DLC1: variants seen among roughly 807,000 people sequenced by gnomAD.
The protein encoded by DLC1 is rho GTPase-activating protein 7.
A neutral mutation model predicts 140.3 loss-of-function variants in DLC1; 54 were observed. The ratio of observed to expected loss-of-function variants is 0.38; its 90% CI spans 0.31 to 0.48. The LOEUF (loss-of-function observed/expected upper bound fraction) is 0.48. Ranked by LOEUF, DLC1 falls within the 20% of genes least tolerant of loss-of-function variation. The probability of loss-of-function intolerance (pLI) is 0.96; values close to 1 mark genes in which losing one functional copy is unlikely to be tolerated. For synonymous variants in DLC1, 986 were observed against 728.1 expected (o/e 1.35, Z -5.70); for missense variants, 2,536 against 1,907.0 (o/e 1.33, Z -6.14).
chr8:13,522,446 G>A (rs1286357086), intron 1 of DLC1, among the ~76,000 whole-genome samples: 1 of 151,978 alleles, frequency 6.6e-6, no homozygotes, highest in East Asian at 1.9e-4. Context: ...CCAACATGGT[G>A]AGACCCTGTG....
At chr8:13,419,200 G>C (rs289596) in intron 2 of DLC1, among the ~76,000 whole-genome samples, 110,335 of 151,618 alleles carry the variant, frequency 0.73, 40,448 homozygotes, top group African/African-American at 0.75. Flanking sequence ...ATTGAATACC[G>C]TTTATTTCCT....
chr8:13,349,725 C>T (rs538382969), intron 4 of DLC1, among the ~76,000 whole-genome samples: 84 of 152,208 alleles, frequency 5.5e-4, no homozygotes, highest in African/African-American at 2.0e-3. Context: ...GGAGGGTAAA[C>T]GAAAGCTGAA....
chr8:13,255,217 C>T (rs1830171132), intron 5 of DLC1, among the ~76,000 whole-genome samples: 1 of 152,084 alleles, frequency 6.6e-6, no homozygotes, highest in Non-Finnish European at 1.5e-5. Context: ...GTGATCTGCC[C>T]ACCTAGGCTT....
intron 2 of DLC1, among the ~76,000 whole-genome samples, chr8:13,488,123 C>T (rs1801053921): frequency 6.6e-6 from 1 of 152,164 alleles, no homozygotes; most frequent in Non-Finnish European, 1.5e-5. Context: ...CTCATGCTTT[C>T]AGTCAATTAT....
intron 1 of DLC1, among the ~76,000 whole-genome samples, chr8:13,566,083 A>G (rs1804416970): frequency 1.3e-5 from 2 of 152,152 alleles, no homozygotes; most frequent in South Asian, 4.1e-4. Context: ...GGCTCATACT[A>G]GTCGGCAACA....
At chr8:13,215,160 C>G (rs1753275704) in intron 5 of DLC1, among the ~76,000 whole-genome samples, 2 of 152,170 alleles carry the variant, frequency 1.3e-5, no homozygotes, top group South Asian at 4.1e-4. Context: ...TCTACATTCT[C>G]TATATCCTTA....
At chr8:13,434,320 C>G (rs1013902337) in intron 2 of DLC1, among the ~76,000 whole-genome samples, 1 of 152,230 alleles carries the variant, frequency 6.6e-6, no homozygotes, top group African/African-American at 2.4e-5. Context: ...AGATAACTCT[C>G]TATAACCCAA....
Position 13,099,864 on chromosome 8 carries a change from C to T in DLC1, c.2473G>A (p.Gly825Ser), listed in dbSNP as rs1487194274. ...TTATTCCCCGAGGGGGAGAAACTGC[C>T]ATTGGTGAGAGCTTTGGGGAAAGTG... is the stretch of plus-strand genomic sequence containing the variant. ...PGTFPKALTN[G>S]SFSPSGNNGS... Residue 825 changes from glycine (G) to serine (S), a missense_variant, in exon 9 of 18, where the codon GGC (glycine) becomes AGC (serine). Transcript: ENST00000276297. 1.9e-6 allele frequency: 3 copies of T among 1,614,068 alleles called. No individual in the cohort carries two copies. The Admixed American group carries it at 5.0e-5, about 27-fold the overall frequency.
At chr8:13,586,206 T>C (rs1805304636) in intron 1 of DLC1, among the ~76,000 whole-genome samples, 1 of 152,128 alleles carries the variant, frequency 6.6e-6, no homozygotes. Context: ...ATGATGACTG[T>C]TTTAAGGTGG....
chr8:13,269,744 C>T (rs1018622954), intron 5 of DLC1, among the ~76,000 whole-genome samples: 5 of 129,878 alleles, frequency 3.8e-5, no homozygotes, highest in African/African-American at 1.4e-4. Flanking sequence ...ATAATTAAAA[C>T]TAAGTAATTA....
chr8:13,510,930 A>G (rs963283156), intron 1 of DLC1, among the ~76,000 whole-genome samples: 2 of 152,130 alleles, frequency 1.3e-5, no homozygotes, highest in African/African-American at 4.8e-5. Context: ...AAAATAAGAA[A>G]GAAGTCCAAC....
At chr8:13,471,547 G>A (rs1800209089) in intron 2 of DLC1, among the ~76,000 whole-genome samples, 1 of 146,728 alleles carries the variant, frequency 6.8e-6, no homozygotes, top group African/African-American at 2.5e-5. Context: ...AGGAGGGAGG[G>A]AAAAATAGAA....
chr8:13,503,170 T>C (rs955770326), intron 1 of DLC1, among the ~76,000 whole-genome samples: 2 of 152,162 alleles, frequency 1.3e-5, no homozygotes, highest in African/African-American at 4.8e-5. Context: ...TTTGGGAGGC[T>C]GAGGTGTGCG....
chr8:13,488,800 G>A lies in DLC1; in HGVS notation c.1023+10249C>T, dbSNP rs147082625. Among the ~76,000 whole-genome samples, 646 of 152,192 alleles carry A rather than the reference G, an allele frequency of 4.2e-3. 5 individuals are homozygous for A. Among genetic ancestry groups the A allele is most frequent in the African/African-American group, 0.015 (620 of 41,508 alleles). On this transcript the variant is annotated intron_variant, in intron 2 of 17. Transcript: ENST00000276297. ...AAGTTAGTTATTTGTGTGTTACATT[G>A]CCCCTACTAATGTGTAAACACCTTT...
chr8:13,222,254 GAGAT>G (rs979447370), intron 5 of DLC1, among the ~76,000 whole-genome samples: 4 of 151,950 alleles, frequency 2.6e-5, no homozygotes, highest in African/African-American at 9.7e-5. Flanking sequence ...AGTGAGAAAA[GAGAT>G]AGAGAAACCC....
chr8:13,552,607 C>G (rs1334062950), intron 1 of DLC1, among the ~76,000 whole-genome samples: 2 of 151,364 alleles, frequency 1.3e-5, no homozygotes, highest in African/African-American at 2.4e-5. Context: ...GACCACTGTT[C>G]TATACTATGT....
At chr8:13,109,685 G>T (rs1367950479) in intron 7 of DLC1, among the ~76,000 whole-genome samples, 1 of 141,390 alleles carries the variant, frequency 7.1e-6, no homozygotes, top group African/African-American at 3.2e-5. Flanking sequence ...AGGAATTTGA[G>T]ACCATCCTGG....
At chr8:13,240,164 A>G (rs542072675) in intron 5 of DLC1, among the ~76,000 whole-genome samples, 219 of 152,150 alleles carry the variant, frequency 1.4e-3, no homozygotes, top group Middle Eastern at 3.4e-3. Flanking sequence ...GTCTCTGGAG[A>G]CCTGGGCATA....
At chr8:13,348,658 C>T (rs1422328861) in intron 4 of DLC1, among the ~76,000 whole-genome samples, 2 of 151,994 alleles carry the variant, frequency 1.3e-5, no homozygotes, top group Non-Finnish European at 2.9e-5. Flanking sequence ...ACAGAAGAAG[C>T]AGATTCACCT....
Sources: allele counts gnomAD v4.1 joint callset (sites outside exome capture counted in the v4.1 genomes callset), GRCh38; gene constraint gnomAD v4.1.1; transcripts MANE v1.5; gene names NCBI Gene and HGNC (gene_info 2026-07-23, HGNC 2026-07-21).